PCDHGA4: variants seen among roughly 807,000 people sequenced by gnomAD.
The protein encoded by PCDHGA4 is protocadherin gamma subfamily A, 4.
Under a neutral mutation model 54.6 loss-of-function variants are expected in PCDHGA4, and 38 were observed. That is an observed-to-expected ratio of 0.70 (90% CI 0.54 to 0.91). The LOEUF is 0.91. Ranked by LOEUF, PCDHGA4 falls within the 40% of genes least tolerant of loss-of-function variation. The probability of loss-of-function intolerance (pLI) is 0.00; values close to 1 mark genes in which losing one functional copy is unlikely to be tolerated. For synonymous variants in PCDHGA4, 511 were observed against 512.9 expected, an observed-to-expected ratio of 1.00 and a Z score of 0.05; for missense variants, 1,298 against 1,220.9, an observed-to-expected ratio of 1.06 and a Z score of -0.94.
At chr5:141,387,637 G>C in intron 1 of PCDHGA4, 1 of 603,262 alleles carries the variant, frequency 1.7e-6, no homozygotes, top group Non-Finnish European at 2.8e-6. Flanking sequence ...GGGCGCCGCT[G>C]TTGGCCAAAG....
chr5:141,478,657 G>A, intron 1 of PCDHGA4: 2 of 1,551,912 alleles, frequency 1.3e-6, no homozygotes, highest in Non-Finnish European at 1.7e-6. Flanking sequence ...TCCTGGTGAT[G>A]CATTCACACT....
intron 1 of PCDHGA4, chr5:141,390,402 A>G: frequency 1.5e-6 from 2 of 1,321,630 alleles, no homozygotes; most frequent in Non-Finnish European, 2.1e-6. Flanking sequence ...CATTTTAGGA[A>G]AGTTGTAGTC....
intron 1 of PCDHGA4, among the ~76,000 whole-genome samples, chr5:141,481,126 A>G (rs2099532217): frequency 6.6e-6 from 1 of 152,222 alleles, no homozygotes. Context: ...CATTTAGCAT[A>G]TTTGTGAAGT....
chr5:141,397,986 C>G, intron 1 of PCDHGA4: 2 of 1,316,082 alleles, frequency 1.5e-6, no homozygotes, highest in Non-Finnish European at 2.1e-6. Flanking sequence ...GCCTTTACAC[C>G]GCTTCCTCCT....
At chr5:141,473,369 G>A (rs888984972) in intron 1 of PCDHGA4, among the ~76,000 whole-genome samples, 1 of 152,200 alleles carries the variant, frequency 6.6e-6, no homozygotes, top group African/African-American at 2.4e-5. Context: ...CACCAAAATA[G>A]CATGGTCCCT....
At chr5:141,473,010 AAAAG>A (rs1014377988) in intron 1 of PCDHGA4, among the ~76,000 whole-genome samples, 22 of 151,958 alleles carry the variant, frequency 1.4e-4, no homozygotes, top group Admixed American at 7.9e-4. Context: ...AAGAAAAAGA[AAAAG>A]AAAGAAGGAA....
intron 1 of PCDHGA4, among the ~76,000 whole-genome samples, chr5:141,446,827 C>A (rs922071842): frequency 6.6e-6 from 1 of 152,114 alleles, no homozygotes; most frequent in Non-Finnish European, 1.5e-5. Context: ...TGGGTAGATC[C>A]TTATAAGGCT....
In PCDHGA4 at chr5:141,356,681, A is replaced by G. The variant is rs771665475; in HGVS notation, c.1574A>G (p.Asp525Gly). The G allele has an allele frequency of 1.2e-6, 2 of 1,613,942 alleles. No homozygotes were observed. The highest frequency in any genetic ancestry group is 1.7e-6 in the Non-Finnish European group (2 of 1,179,864). Residue 525 changes from aspartate (D) to glycine (G), a missense_variant, in exon 1 of 4, where the codon GAC (aspartate) becomes GGC (glycine). By Grantham distance (94) the Asp-to-Gly change is moderately conservative. Coordinates refer to ENST00000571252, the MANE Select transcript of PCDHGA4 (RefSeq NM_018917.4). ...NARITYSLAEDTFQGAPLSSY... is the reference protein window; with the variant it reads ...NARITYSLAEGTFQGAPLSSY... Reference sequence around the variant, plus strand: ...CGAATCACTTACTCCCTGGCCGAAGACACCTTCCAGGGTGCACCTCTGTCC... The same window carrying G: ...CGAATCACTTACTCCCTGGCCGAAGGCACCTTCCAGGGTGCACCTCTGTCC...
At chr5:141,395,131 C>G in intron 1 of PCDHGA4, 1 of 1,614,202 alleles carries the variant, frequency 6.2e-7, no homozygotes, top group Non-Finnish European at 8.5e-7. Flanking sequence ...TTTCCCCAGC[C>G]CAACTACGCA....
At chr5:141,364,706 A>G (rs1373538409) in intron 1 of PCDHGA4, 3 of 1,613,862 alleles carry the variant, frequency 1.9e-6, no homozygotes, top group Non-Finnish European at 2.5e-6. Context: ...AATAATCGAT[A>G]TTAATGATAA....
intron 1 of PCDHGA4, chr5:141,408,411 C>T (rs2095101928): frequency 1.2e-6 from 2 of 1,614,034 alleles, no homozygotes; most frequent in African/African-American, 1.3e-5. Context: ...CGAGTGAGCG[C>T]GGAGAAGCTG....
chr5:141,355,130 A>AC lies in PCDHGA4; in HGVS notation c.23_24insC (p.Glu8AspfsTer61). 1 of 1,518,662 alleles carries AC rather than the reference A, an allele frequency of 6.6e-7. No homozygotes were observed. Among genetic ancestry groups the AC allele is most frequent in the East Asian group, 2.3e-5 (1 of 44,082 alleles). 94.1% of individuals were successfully genotyped at this position (1,518,662 alleles called of 1,614,324 possible). On this transcript the variant is annotated frameshift_variant, in exon 1 of 4. Transcript: ENST00000571252. LOFTEE classifies it high-confidence loss of function. ...TGAATGCACTTTATTTTGGACCCAG[A>AC]AGATCCTGGGGCTCCTCAGGCCTCG...
At chr5:141,436,053 A>G (rs971342534) in intron 1 of PCDHGA4, among the ~76,000 whole-genome samples, 2 of 152,232 alleles carry the variant, frequency 1.3e-5, no homozygotes, top group African/African-American at 2.4e-5. Flanking sequence ...TAGTTTTCAA[A>G]TAGAATTTAA....
chr5:141,357,517 C>T lies in PCDHGA4; in HGVS notation c.2410C>T (p.Pro804Ser), dbSNP rs1051091923. 6 of 1,614,246 alleles carry T rather than the reference C, an allele frequency of 3.7e-6. No homozygotes were observed. Among genetic ancestry groups the T allele is most frequent in the Non-Finnish European group, 5.1e-6 (6 of 1,180,056 alleles). Residue 804 changes from proline (P) to serine (S), a missense_variant, in exon 1 of 4, where the codon CCC (proline) becomes TCC (serine). Coordinates refer to ENST00000571252, the MANE Select transcript of PCDHGA4 (RefSeq NM_018917.4). ...GAAGAGTCACCTGATCTTCTCCCAA[C>T]CCAGCTATGCAGACACGCTCATCAG... ...SRKSHLIFSQ[P>S]SYADTLISRE...
intron 1 of PCDHGA4, chr5:141,399,217 TTGATCAAAATACA>T (rs2093771382): frequency 6.2e-7 from 1 of 1,613,854 alleles, no homozygotes; most frequent in African/African-American, 1.3e-5. Context: ...ACTAATTGCT[TTGATCAAAATACA>T]TGACCAAGAT....
intron 1 of PCDHGA4, chr5:141,409,996 G>A (rs1561724976): frequency 6.2e-7 from 1 of 1,613,132 alleles, no homozygotes; most frequent in Non-Finnish European, 8.5e-7. Context: ...ACGCCGACTC[G>A]GGACACAACG....
At chr5:141,460,043 A>G (rs527752346) in intron 1 of PCDHGA4, among the ~76,000 whole-genome samples, 1 of 152,276 alleles carries the variant, frequency 6.6e-6, no homozygotes, top group South Asian at 2.1e-4. Context: ...GCACCACTGC[A>G]CTCCAGCCTG....
In PCDHGA4 at chr5:141,400,299, A is replaced by G. The variant is rs374558900; in HGVS notation, c.2514+42678A>G. The G allele has an allele frequency of 9.8e-5, 158 of 1,613,834 alleles. 1 individual carries two copies. In the East Asian group the frequency reaches 1.2e-3, roughly 12 times the overall value. ...GCCCTGCCGCCTGGAGCTGCTTCCAACCTGGTCTCTGTGTCAAGTCTGGAC... is the reference window on the plus strand; with the variant it reads ...GCCCTGCCGCCTGGAGCTGCTTCCAGCCTGGTCTCTGTGTCAAGTCTGGAC... On this transcript the variant is annotated intron_variant, in intron 1 of 3. Coordinates refer to ENST00000571252, the MANE Select transcript of PCDHGA4 (RefSeq NM_018917.4).
At chr5:141,426,521 C>T (rs184198267) in intron 1 of PCDHGA4, 14 of 341,908 alleles carry the variant, frequency 4.1e-5, no homozygotes, top group Admixed American at 7.6e-5. Flanking sequence ...ACCGTGAACA[C>T]GGAGAATGGG....
Sources: allele counts gnomAD v4.1 joint callset (sites outside exome capture counted in the v4.1 genomes callset), GRCh38; gene constraint gnomAD v4.1.1; transcripts MANE v1.5; gene names NCBI Gene and HGNC (gene_info 2026-07-23, HGNC 2026-07-21).